The following DLG2 variants were observed in gnomAD, a reference collection of about 807,000 sequenced individuals.
DLG2 encodes the protein discs large MAGUK scaffold protein 2, also known as disks large homolog 2.
In DLG2, 45 loss-of-function variants were observed where a neutral mutation model predicts 132.5. That is an observed-to-expected ratio of 0.34 (90% CI 0.27 to 0.44). The LOEUF is 0.44. DLG2 is among the 20% of genes least tolerant of loss of function. The probability of loss-of-function intolerance (pLI) is 1.00; values close to 1 mark genes in which losing one functional copy is unlikely to be tolerated. For missense variants in DLG2, 1,045 were observed against 1,196.9 expected (o/e 0.87, Z 1.87); for synonymous variants, 424 against 419.6 (o/e 1.01, Z -0.13).
intron 6 of DLG2, among the ~76,000 whole-genome samples, chr11:85,073,452 G>A (rs41507546): frequency 0.036 from 5,463 of 151,828 alleles, 138 homozygotes; most frequent in African/African-American, 0.06. Flanking sequence ...TCAGGATTGC[G>A]TAAGTAAATT....
chr11:85,288,906 T>G (rs1387584924), intron 3 of DLG2, among the ~76,000 whole-genome samples: 2 of 152,110 alleles, frequency 1.3e-5, no homozygotes, highest in Non-Finnish European at 2.9e-5. Flanking sequence ...AAAGGGTATT[T>G]ATCATACTCA....
intron 3 of DLG2, among the ~76,000 whole-genome samples, chr11:85,393,864 G>A (rs2087034628): frequency 6.6e-6 from 1 of 152,074 alleles, no homozygotes; most frequent in Non-Finnish European, 1.5e-5. Context: ...CTATGAGGAT[G>A]CAAAGGCATA....
intron 18 of DLG2, among the ~76,000 whole-genome samples, chr11:83,665,626 T>C (rs2075356408): frequency 6.6e-6 from 1 of 152,234 alleles, no homozygotes; most frequent in Non-Finnish European, 1.5e-5. Context: ...GCTTACCATT[T>C]TCTTTTATCT....
chr11:85,512,289 C>G lies in DLG2; in HGVS notation c.40+86368G>C, dbSNP rs186961738. Among the ~76,000 whole-genome samples, 275 of 152,186 alleles carry G rather than the reference C, an allele frequency of 1.8e-3. 1 individual carries two copies. The highest frequency in any genetic ancestry group is 6.4e-3 in the African/African-American group (265 of 41,554). Reference sequence around the variant, plus strand: ...CACTACTAAGGGGTTCTCATCATTCCTTTAGCAAAGATGTAGATAGAACAC... The same window carrying G: ...CACTACTAAGGGGTTCTCATCATTCGTTTAGCAAAGATGTAGATAGAACAC... On this transcript the variant is annotated intron_variant, in intron 3 of 27. Transcript: ENST00000376104.
chr11:83,498,779 T>G (rs1333722796), intron 21 of DLG2, among the ~76,000 whole-genome samples: 2 of 151,550 alleles, frequency 1.3e-5, no homozygotes, highest in Non-Finnish European at 1.5e-5. Flanking sequence ...AAAATCTTTT[T>G]TTTTTTTTGC....
chr11:85,511,499 A>G (rs1382681595), intron 3 of DLG2, among the ~76,000 whole-genome samples: 1 of 151,994 alleles, frequency 6.6e-6, no homozygotes, highest in Non-Finnish European at 1.5e-5. Context: ...CATTTTAACA[A>G]CTGAACCCAT....
At chr11:84,379,521 G>A (rs996873301) in intron 7 of DLG2, among the ~76,000 whole-genome samples, 10 of 152,082 alleles carry the variant, frequency 6.6e-5, no homozygotes, top group African/African-American at 2.4e-4. Flanking sequence ...GAAATGAGAT[G>A]AAGTTAAGAA....
intron 4 of DLG2, among the ~76,000 whole-genome samples, chr11:85,158,841 C>T (rs752213641): frequency 6.6e-6 from 1 of 152,148 alleles, no homozygotes; most frequent in African/African-American, 2.4e-5. Context: ...AAGCCTACTG[C>T]ATTCATACTT....
At chr11:85,099,117 A>T (rs1305226485) in intron 6 of DLG2, among the ~76,000 whole-genome samples, 7 of 152,228 alleles carry the variant, frequency 4.6e-5, no homozygotes, top group Non-Finnish European at 5.9e-5. Flanking sequence ...TCTTCGGGCC[A>T]AAGTTTGTCC....
intron 6 of DLG2, among the ~76,000 whole-genome samples, chr11:85,068,382 G>A (rs2065256835): frequency 6.6e-6 from 1 of 152,104 alleles, no homozygotes; most frequent in African/African-American, 2.4e-5. Context: ...CAGATGACAT[G>A]ATTATATATG....
chr11:84,498,350 G>A (rs1322038774), intron 7 of DLG2, among the ~76,000 whole-genome samples: 1 of 152,100 alleles, frequency 6.6e-6, no homozygotes, highest in Non-Finnish European at 1.5e-5. Flanking sequence ...CTGGATGCCA[G>A]GCGAAGCATG....
At chr11:84,777,108 T>C (rs1027864001) in intron 6 of DLG2, among the ~76,000 whole-genome samples, 3 of 151,570 alleles carry the variant, frequency 2.0e-5, no homozygotes, top group East Asian at 3.9e-4. Context: ...GTATGTACAC[T>C]TTTTTAAGCA....
intron 5 of DLG2, among the ~76,000 whole-genome samples, chr11:85,134,528 C>CAAAAAAA (rs58266385): frequency 2.9e-5 from 1 of 34,956 alleles, no homozygotes; most frequent in African/African-American, 9.8e-5. Context: ...GACTCCGTCT[C>CAAAAAAA]AAAAAAAAAA....
intron 3 of DLG2, among the ~76,000 whole-genome samples, chr11:85,307,541 C>A (rs1159369405): frequency 6.6e-6 from 1 of 152,128 alleles, no homozygotes; most frequent in African/African-American, 2.4e-5. Context: ...GGAGAAGAGC[C>A]AAACTCATAA....
rs144650858 is a variant in DLG2 at position 84,709,393 on chromosome 11, G to C, written c.358-174662C>G. 3.5e-3 allele frequency among the ~76,000 whole-genome samples: 531 copies of C among 152,054 alleles called. 3 individuals are homozygous for C. Among genetic ancestry groups the C allele is most frequent in the African/African-American group, 0.012 (519 of 41,522 alleles). On this transcript the variant is annotated intron_variant, in intron 6 of 27. Transcript: ENST00000376104. ...AGTGAAAAGAGAAAGGACTACATCTGAGAGAGTAAGAGAAAGAAAACTAAT... is the reference window on the plus strand; with the variant it reads ...AGTGAAAAGAGAAAGGACTACATCTCAGAGAGTAAGAGAAAGAAAACTAAT...
rs1335001204 is a variant in DLG2 at position 84,272,199 on chromosome 11, T to C, written c.520-20908A>G. 2.5e-5 allele frequency: 9 copies of C among 366,514 alleles called. No individual in the cohort carries two copies. The East Asian group carries it at 7.6e-4, about 31-fold the overall frequency. The allele number at this position is 366,514 out of a possible 1,614,324, so 22.7% of individuals were successfully genotyped here. A position where few individuals can be genotyped will look rare whatever the true frequency, so the allele number is the denominator to read the frequency against. On this transcript the variant is annotated intron_variant, in intron 7 of 27. Transcript: ENST00000376104. ...GAAGAGCTTCAAATATAGCCCAGAG[T>C]TTGTGACATTTAAGTGATTTCGAAG...
intron 25 of DLG2, among the ~76,000 whole-genome samples, chr11:83,468,574 C>G (rs1205442405): frequency 2.6e-5 from 4 of 152,060 alleles, no homozygotes; most frequent in Admixed American, 1.3e-4. Context: ...TCAAATCAAC[C>G]CAACAAATAT....
chr11:84,358,378 T>TC (rs1190691120), intron 7 of DLG2, among the ~76,000 whole-genome samples: 2 of 151,612 alleles, frequency 1.3e-5, no homozygotes, highest in Non-Finnish European at 2.9e-5. Context: ...TTTTTTTTTT[T>TC]TTTTTTAGAG....
At chr11:84,586,397 T>G (rs2099530038) in intron 6 of DLG2, among the ~76,000 whole-genome samples, 1 of 152,174 alleles carries the variant, frequency 6.6e-6, no homozygotes, top group Admixed American at 6.5e-5. Context: ...TTTATTTTAT[T>G]TAGCATTTGC....
Sources: gnomAD v4.1 joint callset for allele counts (sites outside exome capture counted in the v4.1 genomes callset) on GRCh38, gnomAD v4.1.1 for gene constraint, MANE v1.5 for transcripts, NCBI Gene and HGNC (gene_info 2026-07-23, HGNC 2026-07-21) for gene names.